The following KLF8 variants were observed in gnomAD, a reference collection of about 807,000 sequenced individuals.
The protein encoded by KLF8 is Krueppel-like factor 8.
KLF8 carries 10 observed loss-of-function variants against 18.2 expected under a neutral mutation model. The observed-to-expected ratio is 0.55, with a 90% confidence interval of 0.34 to 0.93. KLF8 has a LOEUF of 0.93. Among genes scored for constraint, KLF8 ranks in the 40% least tolerant of loss-of-function variants. The pLI is 0.02. For synonymous variants in KLF8, 109 were observed against 97.3 expected (o/e 1.12, Z -0.71); for missense variants, 264 against 277.9 (o/e 0.95, Z 0.36).
chrX:56,213,294 C>CTTTTT, the KLF8 span, among the ~76,000 whole-genome samples: 1 of 28,191 alleles, frequency 3.5e-5, no homozygotes, highest in African/African-American at 1.5e-4. Context: ...CTTTTCTTTT[C>CTTTTT]TTTTCTTTTC....
At chrX:55,917,775 T>C in the KLF8 span, among the ~76,000 whole-genome samples, 2 of 112,124 alleles carry the variant, frequency 1.8e-5, no homozygotes, top group Admixed American at 9.5e-5. Flanking sequence ...GTTAGCCCTG[T>C]ATAAAGATTA....
chrX:56,067,377 C>T, the KLF8 span, among the ~76,000 whole-genome samples: 1 of 109,627 alleles, frequency 9.1e-6, no homozygotes, highest in African/African-American at 3.3e-5. Flanking sequence ...TCTAGGAACT[C>T]AGAATGGTTT....
chrX:56,058,215 TAC>T, the KLF8 span, among the ~76,000 whole-genome samples: 1 of 72,771 alleles, frequency 1.4e-5, no homozygotes, highest in Admixed American at 1.6e-4. Context: ...CACATATATA[TAC>T]GTGTATATAT....
At chrX:55,953,528 C>A in the KLF8 span, among the ~76,000 whole-genome samples, 2 of 109,953 alleles carry the variant, frequency 1.8e-5, no homozygotes, top group African/African-American at 6.6e-5. Context: ...ATATCCAAAA[C>A]AAACTTGTAA....
At chrX:56,083,020 T>C in the KLF8 span, among the ~76,000 whole-genome samples, 4 of 111,973 alleles carry the variant, frequency 3.6e-5, no homozygotes, top group Non-Finnish European at 7.5e-5. Flanking sequence ...TCTCCATCAG[T>C]TTAACTTATA....
the KLF8 span, among the ~76,000 whole-genome samples, chrX:56,163,521 A>C: frequency 8.9e-6 from 1 of 112,116 alleles, no homozygotes; most frequent in Non-Finnish European, 1.9e-5. Context: ...TAGTTTACAA[A>C]AATTTTCTCC....
At chrX:56,205,087 G>C in the KLF8 span, among the ~76,000 whole-genome samples, 1 of 111,030 alleles carries the variant, frequency 9.0e-6, no homozygotes, top group African/African-American at 3.3e-5. Context: ...AAAATTTGGA[G>C]ACTAGACTGC....
At chrX:56,207,317 A>G in the KLF8 span, among the ~76,000 whole-genome samples, 1,331 of 112,164 alleles carry the variant, frequency 0.012, 28 homozygotes, top group African/African-American at 0.041. Context: ...TTTCTTTTTT[A>G]TTGCATCATC....
the KLF8 span, among the ~76,000 whole-genome samples, chrX:56,080,054 G>A: frequency 1.8e-5 from 2 of 111,115 alleles, no homozygotes; most frequent in Non-Finnish European, 1.9e-5. Flanking sequence ...CTGCATGTGA[G>A]ATGGGTTTCC....
chrX:56,089,702 G>A, the KLF8 span, among the ~76,000 whole-genome samples: 3 of 112,197 alleles, frequency 2.7e-5, no homozygotes, highest in African/African-American at 9.7e-5. Context: ...CTTCCATAAA[G>A]ATGAGTACTG....
At chrX:56,130,859 G>A in the KLF8 span, among the ~76,000 whole-genome samples, 3 of 111,756 alleles carry the variant, frequency 2.7e-5, no homozygotes, top group East Asian at 8.5e-4. Context: ...AATGCGAAAT[G>A]TACTGGAAAG....
At chrX:56,194,081 C>T in the KLF8 span, among the ~76,000 whole-genome samples, 2 of 110,853 alleles carry the variant, frequency 1.8e-5, no homozygotes, top group South Asian at 3.8e-4. Context: ...TCCTCTAACT[C>T]GGGGTGGGGA....
In KLF8 at chrX:56,266,825, C is replaced by T. The variant is rs893428147; in HGVS notation, c.646+1081C>T. 5.3e-6 allele frequency: 4 copies of T among 751,740 alleles called. No homozygotes were observed. In the African/African-American group the frequency reaches 9.3e-5, roughly 17 times the overall value. The allele number at this position is 751,740 out of a possible 1,213,427, so 62.0% of individuals were successfully genotyped here. A position where few individuals can be genotyped will look rare whatever the true frequency, so the allele number is the denominator to read the frequency against. On this transcript the variant is annotated intron_variant, in intron 3 of 5. Transcript: ENST00000468660. ...GTATCTACCCTTGAAATTTGATGCC[C>T]TGTACTAAATGTAGGAGGCTGAAAA... is the stretch of plus-strand genomic sequence containing the variant.
chrX:56,154,173 T>C, the KLF8 span, among the ~76,000 whole-genome samples: 2 of 110,754 alleles, frequency 1.8e-5, no homozygotes, highest in Non-Finnish European at 3.8e-5. Flanking sequence ...GCTACCTGAC[T>C]TCAAACTATA....
the KLF8 span, among the ~76,000 whole-genome samples, chrX:56,034,028 G>A: frequency 5.8e-4 from 65 of 112,286 alleles, no homozygotes; most frequent in African/African-American, 2.0e-3. Context: ...TTACAAACAG[G>A]TTTGTCTATT....
the KLF8 span, among the ~76,000 whole-genome samples, chrX:56,005,209 T>C: frequency 2.7e-5 from 3 of 110,018 alleles, no homozygotes; most frequent in African/African-American, 9.9e-5. Context: ...AGGGGGGTGG[T>C]GTCAGCCCCC....
the KLF8 span, among the ~76,000 whole-genome samples, chrX:56,175,690 C>G: frequency 9.0e-6 from 1 of 111,247 alleles, no homozygotes; most frequent in Non-Finnish European, 1.9e-5. Context: ...CAGATATTGA[C>G]AGTGGGGTGT....
chrX:56,250,506 C>T (rs2066693268), intron 2 of KLF8, among the ~76,000 whole-genome samples: 1 of 111,630 alleles, frequency 9.0e-6, no homozygotes, highest in Admixed American at 9.5e-5. Context: ...CTAAAAGAAA[C>T]ATAGCCTCTG....
the KLF8 span, among the ~76,000 whole-genome samples, chrX:56,115,034 T>A: frequency 8.9e-6 from 1 of 112,402 alleles, no homozygotes; most frequent in African/African-American, 3.2e-5. Flanking sequence ...GTTATGGATT[T>A]CCTTGAATGT....
Sources: gnomAD v4.1 joint callset for allele counts (sites outside exome capture counted in the v4.1 genomes callset) on GRCh38, gnomAD v4.1.1 for gene constraint, MANE v1.5 for transcripts, NCBI Gene and HGNC (gene_info 2026-07-23, HGNC 2026-07-21) for gene names.